Variants in ASAP1 observed in about 807,000 individuals in gnomAD.
The protein encoded by ASAP1 is ArfGAP with SH3 domain, ankyrin repeat and PH domain 1, also known as arf-GAP with SH3 domain, ANK repeat and PH domain-containing protein 1.
A neutral mutation model predicts 145.2 loss-of-function variants in ASAP1; 43 were observed. The ratio of observed to expected loss-of-function variants is 0.30; its 90% confidence interval spans 0.23 to 0.38. The LOEUF (loss-of-function observed/expected upper bound fraction) is 0.38, where lower values mean the gene tolerates loss of function less well. Among genes scored for constraint, ASAP1 ranks in the 10% least tolerant of loss-of-function variants. ASAP1 has a pLI of 1.00. For synonymous variants in ASAP1, 546 were observed against 515.5 expected (o/e 1.06, Z -0.80); for missense variants, 1,018 against 1,355.3 (o/e 0.75, Z 3.91).
intron 27 of ASAP1, among the ~76,000 whole-genome samples, chr8:130,064,471 C>T (rs1048676325): frequency 6.6e-6 from 1 of 152,042 alleles, no homozygotes; most frequent in East Asian, 1.9e-4. Context: ...GGAATGGAGC[C>T]GGAGTCCGTA....
At chr8:130,073,510 G>A (rs1009276731) in intron 27 of ASAP1, among the ~76,000 whole-genome samples, 3 of 152,172 alleles carry the variant, frequency 2.0e-5, no homozygotes, top group African/African-American at 7.2e-5. Flanking sequence ...CATGACCACG[G>A]CCTGTGGTGC....
chr8:130,093,983 A>G (rs1003160983), intron 24 of ASAP1, among the ~76,000 whole-genome samples: 1 of 152,182 alleles, frequency 6.6e-6, no homozygotes, highest in African/African-American at 2.4e-5. Context: ...GCCAGGCTAT[A>G]TAATTTACAT....
chr8:130,111,427 G>A (rs2097546662), intron 24 of ASAP1, among the ~76,000 whole-genome samples: 1 of 152,116 alleles, frequency 6.6e-6, no homozygotes, highest in African/African-American at 2.4e-5. Context: ...ATGGGCTTTG[G>A]TCACACAGAA....
At chr8:130,228,223 A>G (rs1817697726) in intron 4 of ASAP1, among the ~76,000 whole-genome samples, 4 of 152,162 alleles carry the variant, frequency 2.6e-5, no homozygotes. Context: ...CTCTCTACCT[A>G]GGAGCATCCT....
At chr8:130,425,042 T>G (rs550915068) in intron 1 of ASAP1, among the ~76,000 whole-genome samples, 1 of 150,944 alleles carries the variant, frequency 6.6e-6, no homozygotes, top group East Asian at 2.0e-4. Context: ...ACAAACAGTG[T>G]GGGTCAGGCC....
chr8:130,440,356 A>C (rs551736186), intron 1 of ASAP1, among the ~76,000 whole-genome samples: 1 of 152,184 alleles, frequency 6.6e-6, no homozygotes, highest in African/African-American at 2.4e-5. Flanking sequence ...AAAATATAAA[A>C]ATTAGCCAGG....
At chr8:130,409,689 C>G (rs903465023) in intron 1 of ASAP1, among the ~76,000 whole-genome samples, 9 of 152,202 alleles carry the variant, frequency 5.9e-5, no homozygotes, top group Admixed American at 3.9e-4. Flanking sequence ...GGCTCTGCCC[C>G]CAACCGCCCG....
intron 2 of ASAP1, 57 bp downstream of exon 2, chr8:130,401,828 T>C: frequency 6.5e-7 from 1 of 1,534,824 alleles, no homozygotes; most frequent in South Asian, 1.2e-5. Context: ...CCAAGAAGAA[T>C]CCCGCTGTAT....
At chr8:130,103,197 C>T (rs1480526388) in intron 24 of ASAP1, among the ~76,000 whole-genome samples, 2 of 151,842 alleles carry the variant, frequency 1.3e-5, no homozygotes, top group African/African-American at 2.4e-5. Flanking sequence ...AATTTGCTGG[C>T]CTATCATTAT....
At chr8:130,098,254 T>TGCTTCCC (rs2097522539) in intron 24 of ASAP1, among the ~76,000 whole-genome samples, 2 of 152,292 alleles carry the variant, frequency 1.3e-5, no homozygotes, top group African/African-American at 4.8e-5. Flanking sequence ...GACAACAGCT[T>TGCTTCCC]GCTTCCCTTC....
chr8:130,391,351 T>G (rs1828275779), intron 2 of ASAP1, among the ~76,000 whole-genome samples: 1 of 152,208 alleles, frequency 6.6e-6, no homozygotes, highest in African/African-American at 2.4e-5. Context: ...ATTCTGGAGA[T>G]GGATTTCGCG....
intron 4 of ASAP1, among the ~76,000 whole-genome samples, chr8:130,225,575 A>G (rs1330403860): frequency 1.3e-5 from 2 of 152,176 alleles, no homozygotes; most frequent in East Asian, 3.8e-4. Context: ...CAGATGGCCT[A>G]TAGAAGGCAA....
At chr8:130,144,781 C>G (rs2097623338) in intron 13 of ASAP1, among the ~76,000 whole-genome samples, 1 of 152,158 alleles carries the variant, frequency 6.6e-6, no homozygotes, top group South Asian at 2.1e-4. Flanking sequence ...TCCCTTAACC[C>G]TCCCAACCAT....
At chr8:130,228,847 T>C (rs944798561) in intron 4 of ASAP1, among the ~76,000 whole-genome samples, 3 of 152,108 alleles carry the variant, frequency 2.0e-5, no homozygotes, top group Non-Finnish European at 2.9e-5. Context: ...GAATTTTCTA[T>C]AGTAAACACA....
At chr8:130,188,030 T>C (rs1428769620) in intron 6 of ASAP1, 79 bp downstream of exon 6, 1 of 981,180 alleles carries the variant, frequency 1.0e-6, no homozygotes, top group Admixed American at 2.0e-5. Flanking sequence ...CAAATACAAG[T>C]ACTACTATGA....
intron 25 of ASAP1, among the ~76,000 whole-genome samples, chr8:130,089,880 C>A (rs2097501926): frequency 6.6e-6 from 1 of 152,144 alleles, no homozygotes. Flanking sequence ...ATTTTGATTT[C>A]AACAATCAAA....
chr8:130,339,427 T>A (rs1825238201), intron 3 of ASAP1, among the ~76,000 whole-genome samples: 1 of 152,138 alleles, frequency 6.6e-6, no homozygotes, highest in South Asian at 2.1e-4. Context: ...CAAGTATCCT[T>A]GAGTACATCG....
intron 1 of ASAP1, among the ~76,000 whole-genome samples, chr8:130,424,421 G>A (rs1829835963): frequency 6.6e-6 from 1 of 152,206 alleles, no homozygotes; most frequent in South Asian, 2.1e-4. Flanking sequence ...CTTCCCAAGA[G>A]CCCTTCAGCA....
chr8:130,169,075 T>G lies in ASAP1; in HGVS notation c.747-8A>C. ...AAGCCATCTTGAAAGAAACTACAATTAAAAAAATCAGAGATTTACCACCAG... is the reference window on the plus strand; with the variant it reads ...AAGCCATCTTGAAAGAAACTACAATGAAAAAAATCAGAGATTTACCACCAG... On this transcript the variant is annotated splice_polypyrimidine_tract_variant and splice_region_variant and intron_variant, in intron 9 of 29. Coordinates refer to ENST00000518721, the MANE Select transcript of ASAP1 (RefSeq NM_018482.4). 6.5e-7 allele frequency: 1 copy of G among 1,528,976 alleles called. No homozygotes were observed. Among genetic ancestry groups the G allele is most frequent in the African/African-American group, 1.4e-5 (1 of 70,998 alleles). The allele number at this position is 1,528,976 out of a possible 1,614,324, so 94.7% of individuals were successfully genotyped here. A position where few individuals can be genotyped will look rare whatever the true frequency, so the allele number is the denominator to read the frequency against.
Sources: allele counts gnomAD v4.1 joint callset (sites outside exome capture counted in the v4.1 genomes callset), GRCh38; gene constraint gnomAD v4.1.1; transcripts MANE v1.5; gene names NCBI Gene and HGNC (gene_info 2026-07-23, HGNC 2026-07-21).